USP33: variants seen among roughly 807,000 people sequenced by gnomAD.
USP33 encodes ubiquitin specific peptidase 33, also known as ubiquitin carboxyl-terminal hydrolase 33.
Under a neutral mutation model 124.2 loss-of-function variants are expected in USP33, and 46 were observed. That is an observed-to-expected ratio of 0.37 (90% CI 0.29 to 0.47). The LOEUF (loss-of-function observed/expected upper bound fraction) is 0.47, where lower values mean the gene tolerates loss of function less well. Ranked by LOEUF, USP33 falls within the 20% of genes least tolerant of loss-of-function variation. The pLI is 0.99. For missense variants in USP33, 851 were observed against 1,070.6 expected, an observed-to-expected ratio of 0.79 and a Z score of 2.86; for synonymous variants, 350 against 352.3, an observed-to-expected ratio of 0.99 and a Z score of 0.07.
chr1:77,754,242 A>T (rs1287920752), intron 1 of USP33, among the ~76,000 whole-genome samples: 1 of 152,240 alleles, frequency 6.6e-6, no homozygotes, highest in Non-Finnish European at 1.5e-5. Context: ...GTCTTTCAAC[A>T]GTTTCAATCT....
At chr1:77,709,882 TAC>T (rs35770178) in intron 21 of USP33, among the ~76,000 whole-genome samples, 515 of 144,480 alleles carry the variant, frequency 3.6e-3, no homozygotes, top group South Asian at 9.2e-3. Context: ...TGCATACACA[TAC>T]ACACACACAC....
In USP33 at chr1:77,728,289, T is replaced by C. The variant is rs1446432433; in HGVS notation, c.1135+6A>G. 6.4e-7 allele frequency: 1 copy of C among 1,559,018 alleles called. No individual in the cohort carries two copies. Among genetic ancestry groups the C allele is most frequent in the African/African-American group, 1.4e-5 (1 of 72,330 alleles). ...CATTTTCATGAACAAACTACTAAAT[T>C]GTCACCTGAAGCTCTGCTGTGTATT... On this transcript the variant is annotated splice_donor_region_variant and intron_variant, in intron 10 of 23. Transcript: ENST00000370794.
At chr1:77,725,591 CAA>C in intron 11 of USP33, 29 bp downstream of exon 11, 3 of 1,608,510 alleles carry the variant, frequency 1.9e-6, no homozygotes, top group Non-Finnish European at 2.5e-6. Context: ...AGACCCAAAG[CAA>C]AAGAGACTGA....
chr1:77,728,180 C>A, intron 10 of USP33, 115 bp downstream of exon 10: 2 of 1,198,402 alleles, frequency 1.7e-6, no homozygotes, highest in Non-Finnish European at 2.3e-6. Context: ...TACTCACATG[C>A]AAATACTGCT....
intron 7 of USP33, among the ~76,000 whole-genome samples, chr1:77,732,724 C>T (rs1557850812): frequency 6.6e-6 from 1 of 151,776 alleles, no homozygotes; most frequent in Non-Finnish European, 1.5e-5. Context: ...GCTAGGAATG[C>T]TCTCCCCATC....
chr1:77,721,714 G>A, intron 14 of USP33, 117 bp downstream of exon 14: 1 of 863,018 alleles, frequency 1.2e-6, no homozygotes, highest in Non-Finnish European at 1.8e-6. Flanking sequence ...GCCAATATGT[G>A]AATGTACTAT....
At chr1:77,726,104 C>G (rs1327889343) in intron 10 of USP33, among the ~76,000 whole-genome samples, 1 of 152,156 alleles carries the variant, frequency 6.6e-6, no homozygotes, top group Non-Finnish European at 1.5e-5. Flanking sequence ...CATGTGCCAC[C>G]AGGCCCACCT....
Position 77,697,379 on chromosome 1 carries a change from G to C in USP33, c.2674C>G (p.His892Asp), listed in dbSNP as rs1359453638. Residue 892 changes from histidine (H) to aspartate (D), a missense_variant, in exon 24 of 24, where the codon CAT becomes GAT. His to Asp is a moderately conservative substitution (Grantham distance 81). Around this residue, in one of 4 missense-constraint regions of USP33, gnomAD observed 142 missense variants for 141.8 expected, o/e 1.00. Transcript: ENST00000370794. ...GCTTGAAGTATATCTGGATCAACAT[G>C]AACAACCGGAGGTCGCAGGATAACT... ...PEVILRPPVV[H>D]VDPDILQAEE... 1 of 1,612,696 alleles carries C rather than the reference G, an allele frequency of 6.2e-7. No homozygotes were observed. The highest frequency in any genetic ancestry group is 8.5e-7 in the Non-Finnish European group (1 of 1,179,718).
chr1:77,718,685 T>TTATACTA, intron 15 of USP33, 44 bp from the exon 16 acceptor site: 1 of 1,459,512 alleles, frequency 6.9e-7, no homozygotes, highest in Non-Finnish European at 9.5e-7. Context: ...CAAAAAAACT[T>TTATACTA]AGTATATTTA....
intron 18 of USP33, 89 bp from the exon 19 acceptor site, chr1:77,714,872 A>G: frequency 7.8e-7 from 1 of 1,283,838 alleles, no homozygotes; most frequent in Non-Finnish European, 1.1e-6. Flanking sequence ...CTTAACACAC[A>G]TATTAACACT....
At chr1:77,700,885 G>A (rs1331970596) in intron 22 of USP33, among the ~76,000 whole-genome samples, 2 of 152,004 alleles carry the variant, frequency 1.3e-5, no homozygotes, top group Non-Finnish European at 2.9e-5. Context: ...ATTTTTAGTA[G>A]AGACAGGGTT....
intron 1 of USP33, among the ~76,000 whole-genome samples, chr1:77,742,018 A>G (rs1169554062): frequency 1.3e-5 from 2 of 152,118 alleles, no homozygotes; most frequent in Non-Finnish European, 1.5e-5. Context: ...TTGTTTCTCC[A>G]TGACTTTTGC....
intron 1 of USP33, among the ~76,000 whole-genome samples, chr1:77,744,595 GCA>G (rs1679526019): frequency 1.3e-5 from 2 of 152,194 alleles, no homozygotes; most frequent in Non-Finnish European, 2.9e-5. Context: ...TATAATCCCA[GCA>G]CTTCGGGAGG....
chr1:77,751,591 A>C (rs1680340782), intron 1 of USP33, among the ~76,000 whole-genome samples: 1 of 152,168 alleles, frequency 6.6e-6, no homozygotes, highest in African/African-American at 2.4e-5. Flanking sequence ...CAGGAGGCAG[A>C]AGTTGCATGC....
At chr1:77,715,049 T>G (rs1020511090) in intron 18 of USP33, 31 of 289,368 alleles carry the variant, frequency 1.1e-4, no homozygotes, top group Admixed American at 4.6e-4. Flanking sequence ...GCTAAATAAT[T>G]AATCTGCTTC....
intron 7 of USP33, 131 bp from the exon 8 acceptor site, chr1:77,730,862 C>T (rs1677725722): frequency 1.9e-6 from 1 of 520,294 alleles, no homozygotes; most frequent in African/African-American, 2.0e-5. Context: ...CTTACAGCTT[C>T]ACTTTCATTC....
intron 17 of USP33, 45 bp downstream of exon 17, chr1:77,717,822 A>ATT: frequency 6.8e-7 from 1 of 1,466,156 alleles, no homozygotes; most frequent in South Asian, 1.5e-5. Context: ...GCTTATTTTA[A>ATT]TTTTTTTTTA....
intron 7 of USP33, among the ~76,000 whole-genome samples, chr1:77,732,950 CA>C (rs1557851210): frequency 6.6e-6 from 1 of 151,900 alleles, no homozygotes; most frequent in Non-Finnish European, 1.5e-5. Context: ...CACACCACCA[CA>C]CCCGGCTAAT....
intron 11 of USP33, 38 bp downstream of exon 11, chr1:77,725,584 C>T (rs1390753128): frequency 1.3e-6 from 2 of 1,598,218 alleles, no homozygotes; most frequent in South Asian, 2.3e-5. Context: ...TAAACTAAGA[C>T]CCAAAGCAAA....
Sources: allele counts gnomAD v4.1 joint callset (sites outside exome capture counted in the v4.1 genomes callset), GRCh38; gene constraint gnomAD v4.1.1; regional missense constraint gnomAD v4.1.1; transcripts MANE v1.5; gene names NCBI Gene and HGNC (gene_info 2026-07-23, HGNC 2026-07-21).